Variants in FDFT1 observed in about 807,000 individuals in gnomAD.
FDFT1 encodes the protein farnesyl-diphosphate farnesyltransferase 1.
Under a neutral mutation model 46.8 loss-of-function variants are expected in FDFT1, and 68 were observed. The observed-to-expected ratio is 1.45, with a 90% CI of 1.19 to 1.78. The LOEUF (loss-of-function observed/expected upper bound fraction) is 1.78. Among genes scored for constraint, FDFT1 ranks in the 40% most tolerant of loss-of-function variants. FDFT1 has a pLI of 0.00. For synonymous variants in FDFT1, 351 were observed against 185.1 expected, an observed-to-expected ratio of 1.90 and a Z score of -7.28; for missense variants, 928 against 524.4, an observed-to-expected ratio of 1.77 and a Z score of -7.52.
rs530373201 is a variant in FDFT1 at position 11,832,595 on chromosome 8, C to G, written c.1032+925C>G. On this transcript the variant is annotated intron_variant, in intron 7 of 7. Transcript: ENST00000220584. ...AAAAAAAGTCTTAGAGACCAGAAGT[C>G]TTTGTAATCTCTAATAATCTCTAGG... Among the ~76,000 whole-genome samples the G allele has an allele frequency of 8.4e-5, 11 of 130,612 alleles. No homozygotes were observed. In the South Asian group the frequency reaches 3.0e-3, roughly 36 times the overall value. The allele number at this position is 130,612 out of a possible 152,430, so 85.7% of individuals were successfully genotyped here.
chr8:11,808,686 A>G (rs985412651), intron 1 of FDFT1, 108 bp from the exon 2 acceptor site: 7 of 1,486,950 alleles, frequency 4.7e-6, no homozygotes, highest in Admixed American at 2.2e-5. Context: ...AGAGGGCGGC[A>G]GGCTGTGGAG....
intron 7 of FDFT1, among the ~76,000 whole-genome samples, chr8:11,833,091 C>T (rs929424479): frequency 6.6e-6 from 1 of 152,158 alleles, no homozygotes; most frequent in Non-Finnish European, 1.5e-5. Flanking sequence ...CTATGGAAGT[C>T]TAAGGGAAGA....
chr8:11,824,581 C>G (rs1809703610), intron 4 of FDFT1, among the ~76,000 whole-genome samples: 1 of 142,594 alleles, frequency 7.0e-6, no homozygotes, highest in Non-Finnish European at 1.6e-5. Flanking sequence ...GCCTGTGTCA[C>G]TGTGCCTGGC....
intron 5 of FDFT1, 95 bp downstream of exon 5, chr8:11,826,310 C>A: frequency 3.4e-6 from 3 of 880,962 alleles, no homozygotes; most frequent in Non-Finnish European, 3.4e-6. Flanking sequence ...AAAAACAAGT[C>A]AGGCCTCCCC....
upstream of FDFT1, among the ~76,000 whole-genome samples, chr8:11,799,664 T>TAGG (rs1227350151): frequency 2.0e-5 from 3 of 152,212 alleles, no homozygotes; most frequent in Non-Finnish European, 4.4e-5. Flanking sequence ...ATAGCACTTG[T>TAGG]AGGCTGGGAG....
rs1807259627 is a variant in FDFT1, at chr8:11,808,736, C to G, written c.100-58C>G. 7 of 1,571,114 alleles carry G rather than the reference C, an allele frequency of 4.5e-6. No homozygotes were observed. In the East Asian group the frequency reaches 1.4e-4, roughly 31 times the overall value. On this transcript the variant is annotated intron_variant, in intron 1 of 7. Transcript: ENST00000220584. ...CCCACTCCCACTCCCACTCCCACTC[C>G]CACTCCCACTCCTGCTCCTCGACGT...
chr8:11,804,797 C>T (rs751160813), intron 1 of FDFT1, among the ~76,000 whole-genome samples: 8 of 151,496 alleles, frequency 5.3e-5, no homozygotes, highest in South Asian at 2.1e-4. Flanking sequence ...TTAGTAGAGA[C>T]GGGGTTTCAC....
At chr8:11,828,552 A>G (rs1799491462) in intron 5 of FDFT1, among the ~76,000 whole-genome samples, 1 of 152,256 alleles carries the variant, frequency 6.6e-6, no homozygotes, top group African/African-American at 2.4e-5. Flanking sequence ...TCTCCCAGAC[A>G]GAACATCAGC....
intron 2 of FDFT1, chr8:11,809,369 T>A (rs1016096912): frequency 8.7e-7 from 1 of 1,144,142 alleles, no homozygotes; most frequent in African/African-American, 1.6e-5. Flanking sequence ...TAGTTCGGTC[T>A]AAACGTTTGG....
Position 11,817,339 on chromosome 8 carries a change from T to C in FDFT1, c.382-4411T>C, listed in dbSNP as rs551092324. On this transcript the variant is annotated intron_variant, in intron 3 of 7. Transcript: ENST00000220584. The stretch of plus-strand genomic sequence containing the variant: ...ATTGGCCTAAAATTCTCTTTTTTTA[T>C]TGTTTGTCTGCCAGGCTTTGGTATC... 9.2e-4 allele frequency among the ~76,000 whole-genome samples: 140 copies of C among 152,342 alleles called. 1 individual carries two copies. The highest frequency in any genetic ancestry group is 2.8e-3 in the African/African-American group (118 of 41,586).
chr8:11,832,577 G>T (rs60856203), intron 7 of FDFT1, among the ~76,000 whole-genome samples: 22,868 of 65,654 alleles, frequency 0.35, 2,640 homozygotes, highest in Middle Eastern at 0.4. Context: ...AAAAAAAAAA[G>T]TCTTAGAGAC....
intron 6 of FDFT1, 107 bp downstream of exon 6, chr8:11,830,527 C>G (rs1244700886): frequency 2.5e-6 from 2 of 787,418 alleles, no homozygotes; most frequent in Non-Finnish European, 4.2e-6. Context: ...CTTAAAAAGA[C>G]GATGACTCCA....
chr8:11,806,234 G>C (rs1224079552), intron 1 of FDFT1, among the ~76,000 whole-genome samples: 20 of 152,056 alleles, frequency 1.3e-4, no homozygotes, highest in African/African-American at 4.6e-4. Context: ...CGAGCTTTTG[G>C]GAGTGTGCTG....
intron 1 of FDFT1, 80 bp downstream of exon 1, chr8:11,803,011 G>GATCTGGGGCAAGGGGCGC: frequency 6.6e-7 from 1 of 1,524,964 alleles, no homozygotes. Context: ...GCCGGGCCCG[G>GATCTGGGGCAAGGGGCGC]ATCTGGGGCA....
At chr8:11,805,384 G>C (rs1806702611) in intron 1 of FDFT1, among the ~76,000 whole-genome samples, 1 of 152,216 alleles carries the variant, frequency 6.6e-6, no homozygotes, top group South Asian at 2.1e-4. Context: ...CCGCCTGCAA[G>C]TTGTGTGGCA....
At chr8:11,819,280 A>AT (rs1316569170) in intron 3 of FDFT1, among the ~76,000 whole-genome samples, 1 of 151,946 alleles carries the variant, frequency 6.6e-6, no homozygotes, top group Non-Finnish European at 1.5e-5. Context: ...AGCCCTTAAC[A>AT]TTTTTTCCTT....
intron 3 of FDFT1, among the ~76,000 whole-genome samples, chr8:11,811,951 G>A (rs1415664152): frequency 2.0e-5 from 3 of 152,232 alleles, no homozygotes; most frequent in African/African-American, 7.2e-5. Context: ...TGTATGTGCT[G>A]ATATAGCTCA....
intron 1 of FDFT1, 31 bp downstream of exon 1, chr8:11,802,962 G>A (rs750721611): frequency 2.5e-6 from 4 of 1,572,538 alleles, no homozygotes; most frequent in African/African-American, 1.4e-5. Flanking sequence ...TGCCCGGGGC[G>A]GGGAAGGAGC....
intron 1 of FDFT1, chr8:11,803,400 C>T (rs1275682112): frequency 3.9e-6 from 5 of 1,289,384 alleles, no homozygotes; most frequent in South Asian, 1.2e-5. Flanking sequence ...CTCTCCCCGC[C>T]TTGCTGCCTT....
Sources: gnomAD v4.1 joint callset for allele counts (sites outside exome capture counted in the v4.1 genomes callset) on GRCh38, gnomAD v4.1.1 for gene constraint, MANE v1.5 for transcripts, NCBI Gene and HGNC (gene_info 2026-07-23, HGNC 2026-07-21) for gene names.